Variants in CATSPERT observed in about 807,000 individuals in gnomAD.
CATSPERT encodes the protein catsper channel auxiliary subunit tau, also known as cation channel sperm-associated targeting subunit tau.
chr2:201,596,688 T>C, the CATSPERT span, among the ~76,000 whole-genome samples: 1 of 152,220 alleles, frequency 6.6e-6, no homozygotes, highest in South Asian at 2.1e-4. Context: ...CCTCTGAGCT[T>C]CAATTTGAAT....
chr2:201,589,059 G>T, the CATSPERT span, among the ~76,000 whole-genome samples: 1 of 152,086 alleles, frequency 6.6e-6, no homozygotes, highest in Non-Finnish European at 1.5e-5. Flanking sequence ...AGAGGTGAAA[G>T]ATCTCTACAA....
At chr2:201,538,152 C>T in the CATSPERT span, among the ~76,000 whole-genome samples, 3 of 151,974 alleles carry the variant, frequency 2.0e-5, no homozygotes, top group African/African-American at 7.2e-5. Flanking sequence ...ATAACTTAAA[C>T]TTTATACTTG....
chr2:201,610,347 A>G, the CATSPERT span, among the ~76,000 whole-genome samples: 1 of 151,888 alleles, frequency 6.6e-6, no homozygotes, highest in East Asian at 1.9e-4. Context: ...AGTCTCAGCT[A>G]CTCAGGAGGC....
chr2:201,613,808 T>C, the CATSPERT span, among the ~76,000 whole-genome samples: 1 of 152,020 alleles, frequency 6.6e-6, no homozygotes, highest in Non-Finnish European at 1.5e-5. Context: ...CTAAAAACCT[T>C]GAAAAAAGAT....
chr2:201,495,869 C>T, the CATSPERT span: 1 of 1,440,600 alleles, frequency 6.9e-7, no homozygotes, highest in Non-Finnish European at 9.6e-7. Flanking sequence ...TATAATGATA[C>T]TGGGATAGAA....
the CATSPERT span, among the ~76,000 whole-genome samples, chr2:201,509,450 C>T: frequency 6.6e-6 from 1 of 150,690 alleles, no homozygotes. Flanking sequence ...CTATTGTTTC[C>T]TTGATGCAAG....
the CATSPERT span, chr2:201,604,543 T>C: frequency 1.0e-6 from 1 of 996,506 alleles, no homozygotes. Flanking sequence ...AACCATTTTC[T>C]GCATATACTG....
At chr2:201,491,122 G>A in the CATSPERT span, 2 of 1,453,472 alleles carry the variant, frequency 1.4e-6, no homozygotes, top group African/African-American at 1.4e-5. Flanking sequence ...ATTATTGCCA[G>A]AACTTTGCCA....
At chr2:201,555,002 C>T in the CATSPERT span, 1 of 152,056 alleles carries the variant, frequency 6.6e-6, no homozygotes, top group Non-Finnish European at 1.5e-5. Flanking sequence ...GTCAAAATAC[C>T]CCTTTATAGT....
the CATSPERT span, among the ~76,000 whole-genome samples, chr2:201,569,590 C>T: frequency 6.6e-6 from 1 of 152,118 alleles, no homozygotes; most frequent in African/African-American, 2.4e-5. Context: ...AAGTCTGGCC[C>T]ACAGGGAAGA....
chr2:201,559,077 A>G, the CATSPERT span, among the ~76,000 whole-genome samples: 1 of 152,324 alleles, frequency 6.6e-6, no homozygotes, highest in African/African-American at 2.4e-5. Flanking sequence ...GCCTCAGAGC[A>G]GCTGATATAT....
chr2:201,561,799 G>A, the CATSPERT span, among the ~76,000 whole-genome samples: 8 of 151,828 alleles, frequency 5.3e-5, no homozygotes, highest in South Asian at 8.4e-4. Flanking sequence ...TCTTGAACTC[G>A]GGAGGCAGAG....
chr2:201,512,433 T>C, the CATSPERT span, among the ~76,000 whole-genome samples: 1 of 152,170 alleles, frequency 6.6e-6, no homozygotes, highest in Non-Finnish European at 1.5e-5. Context: ...AATCTCACCA[T>C]TTCCTTCCTG....
chr2:201,582,408 T>C, the CATSPERT span, among the ~76,000 whole-genome samples: 7 of 151,990 alleles, frequency 4.6e-5, no homozygotes, highest in Non-Finnish European at 8.8e-5. Flanking sequence ...GCTTTATAAC[T>C]TTCAACCTCA....
chr2:201,586,914 A>C, the CATSPERT span, among the ~76,000 whole-genome samples: 3 of 151,954 alleles, frequency 2.0e-5, no homozygotes, highest in Non-Finnish European at 4.4e-5. Context: ...TAAGTTCTCA[A>C]ATTTAATGCT....
the CATSPERT span, among the ~76,000 whole-genome samples, chr2:201,519,849 T>A: frequency 6.6e-6 from 1 of 152,128 alleles, no homozygotes; most frequent in Admixed American, 6.5e-5. Flanking sequence ...TGAATATAAA[T>A]GAATTAAATG....
the CATSPERT span, among the ~76,000 whole-genome samples, chr2:201,515,198 C>CCT: frequency 3.3e-5 from 1 of 30,584 alleles, no homozygotes; most frequent in Non-Finnish European, 5.2e-5. Flanking sequence ...TGAATCTGCC[C>CCT]ATAGTTTTTT....
At chr2:201,535,832 A>G in the CATSPERT span, 1 of 1,458,540 alleles carries the variant, frequency 6.9e-7, no homozygotes, top group African/African-American at 1.4e-5. Flanking sequence ...AAGGGCAGAC[A>G]CCTTGAGCTC....
chr2:201,607,905 C>T, the CATSPERT span, among the ~76,000 whole-genome samples: 328 of 152,194 alleles, frequency 2.2e-3, 3 homozygotes, highest in Middle Eastern at 3.4e-3. Context: ...CAGAAGAAAC[C>T]AACTCTACCA....
Sources: gnomAD v4.1 joint callset for allele counts (sites outside exome capture counted in the v4.1 genomes callset) on GRCh38, gnomAD v4.1.1 for gene constraint, MANE v1.5 for transcripts, NCBI Gene and HGNC (gene_info 2026-07-23, HGNC 2026-07-21) for gene names.